EYA1: variants seen among roughly 807,000 people sequenced by gnomAD.
EYA1 encodes the protein EYA transcriptional coactivator and phosphatase 1, also known as protein phosphatase EYA1.
Under a neutral mutation model 82.0 loss-of-function variants are expected in EYA1, and 16 were observed. The ratio of observed to expected loss-of-function variants is 0.20; its 90% CI spans 0.13 to 0.30. The LOEUF is 0.30. Among genes scored for constraint, EYA1 ranks in the 10% least tolerant of loss-of-function variants. The pLI is 1.00. For synonymous variants in EYA1, 261 were observed against 264.4 expected, an observed-to-expected ratio of 0.99 and a Z score of 0.12; for missense variants, 633 against 730.7, an observed-to-expected ratio of 0.87 and a Z score of 1.54.
intron 6 of EYA1, among the ~76,000 whole-genome samples, chr8:71,318,574 T>A (rs1232165492): frequency 2.0e-5 from 3 of 152,150 alleles, no homozygotes; most frequent in Non-Finnish European, 2.9e-5. Context: ...CTTTAATTAA[T>A]TACAATTAAA....
intron 2 of EYA1, among the ~76,000 whole-genome samples, chr8:71,380,075 C>G (rs1188362459): frequency 6.6e-6 from 1 of 152,202 alleles, no homozygotes. Context: ...ACGATGTTGA[C>G]ATCCCTCAGG....
chr8:71,366,934 T>C (rs920153832), upstream of EYA1, among the ~76,000 whole-genome samples: 1 of 152,196 alleles, frequency 6.6e-6, no homozygotes, highest in Non-Finnish European at 1.5e-5. Context: ...TATTGATATA[T>C]AGCAAAATAA....
At chr8:71,513,074 C>T (rs1812715629) in intron 2 of EYA1, among the ~76,000 whole-genome samples, 1 of 152,116 alleles carries the variant, frequency 6.6e-6, no homozygotes, top group East Asian at 1.9e-4. Context: ...ACTCAATGAT[C>T]TTATATTCCT....
intron 11 of EYA1, 133 bp from the exon 12 acceptor site, chr8:71,244,825 G>A (rs1812882872): frequency 3.2e-6 from 2 of 630,292 alleles, no homozygotes; most frequent in African/African-American, 3.7e-5. Flanking sequence ...GGCAACAGCT[G>A]CTTATTTTAG....
At chr8:71,245,317 C>A (rs1180431368) in intron 11 of EYA1, among the ~76,000 whole-genome samples, 2 of 152,166 alleles carry the variant, frequency 1.3e-5, no homozygotes, top group South Asian at 2.1e-4. Context: ...GCCTCCATGT[C>A]CCAGGTTCAA....
chr8:71,368,592 A>C (rs1289026486), intron 2 of EYA1, among the ~76,000 whole-genome samples: 4 of 152,208 alleles, frequency 2.6e-5, no homozygotes, highest in African/African-American at 9.6e-5. Flanking sequence ...TATGACTTAA[A>C]AATTCTAAAG....
intron 11 of EYA1, among the ~76,000 whole-genome samples, chr8:71,248,761 C>G (rs117475094): frequency 1.3e-5 from 2 of 152,218 alleles, no homozygotes; most frequent in South Asian, 4.1e-4. Flanking sequence ...ATAGCTAATA[C>G]GTTAACACTG....
At chr8:71,545,913 C>T (rs1209732219) in intron 1 of EYA1, among the ~76,000 whole-genome samples, 1 of 152,154 alleles carries the variant, frequency 6.6e-6, no homozygotes, top group African/African-American at 2.4e-5. Flanking sequence ...AAGGCCTTCA[C>T]AAATTCCAAA....
intron 2 of EYA1, among the ~76,000 whole-genome samples, chr8:71,513,951 A>T (rs2129257778): frequency 6.6e-6 from 1 of 152,188 alleles, no homozygotes; most frequent in Middle Eastern, 3.4e-3. Context: ...CATTTGCAAC[A>T]TGACAAGATC....
intron 2 of EYA1, among the ~76,000 whole-genome samples, chr8:71,409,713 G>T (rs1295108484): frequency 1.1e-5 from 1 of 93,210 alleles, no homozygotes; most frequent in Non-Finnish European, 2.2e-5. Context: ...AACAGGAGCT[G>T]AAATTGTGGC....
intron 2 of EYA1, among the ~76,000 whole-genome samples, chr8:71,378,822 G>A (rs1828526534): frequency 6.6e-6 from 1 of 152,116 alleles, no homozygotes; most frequent in African/African-American, 2.4e-5. Flanking sequence ...TTGGTTAAGT[G>A]ATGCTAATGT....
intron 2 of EYA1, among the ~76,000 whole-genome samples, chr8:71,449,670 T>C (rs1356175429): frequency 6.6e-6 from 1 of 152,220 alleles, no homozygotes; most frequent in African/African-American, 2.4e-5. Flanking sequence ...TTAAACTCAC[T>C]GGCTGCATCA....
At chr8:71,264,619 C>T (rs537766818) in intron 11 of EYA1, among the ~76,000 whole-genome samples, 31 of 151,812 alleles carry the variant, frequency 2.0e-4, no homozygotes, top group African/African-American at 5.6e-4. Flanking sequence ...ACTCTGTCAC[C>T]CAGGCTGGAA....
At position 71,210,504 on chromosome 8, in the gene EYA1, T is replaced by A. The variant is rs547474514; in HGVS notation, c.1698+652A>T. 4.6e-5 allele frequency among the ~76,000 whole-genome samples: 7 copies of A among 152,212 alleles called. No homozygotes were observed. The South Asian group carries it at 1.5e-3, about 32-fold the overall frequency. On this transcript the variant is annotated intron_variant, in intron 17 of 17. Coordinates refer to ENST00000340726, the MANE Select transcript of EYA1 (RefSeq NM_000503.6). Reference sequence around the variant, plus strand: ...GGCTAAGGAAGGTGGTCCTTGGCTTTTAAAAATGCAATGAGAGGCCCAATG... The same window carrying A: ...GGCTAAGGAAGGTGGTCCTTGGCTTATAAAAATGCAATGAGAGGCCCAATG...
At chr8:71,340,007 T>C (rs756576494) in intron 3 of EYA1, among the ~76,000 whole-genome samples, 2 of 152,230 alleles carry the variant, frequency 1.3e-5, no homozygotes, top group Non-Finnish European at 2.9e-5. Flanking sequence ...GTCTTCTTTC[T>C]AATTTCACAG....
chr8:71,362,413 C>A (rs1180867857), upstream of EYA1, among the ~76,000 whole-genome samples: 4 of 151,976 alleles, frequency 2.6e-5, no homozygotes, highest in Admixed American at 2.0e-4. Flanking sequence ...CAATTAAGAT[C>A]TTTGGGGAGT....
chr8:71,425,104 C>CG (rs1831350388), intron 2 of EYA1, among the ~76,000 whole-genome samples: 1 of 75,292 alleles, frequency 1.3e-5, no homozygotes, highest in Non-Finnish European at 2.3e-5. Context: ...ACTAAAAATA[C>CG]AAAAAAAAAA....
In EYA1 at chr8:71,535,763, C is replaced by G. The variant is rs775075548; in HGVS notation, c.14G>C (p.Arg5Pro). 2.6e-5 allele frequency: 40 copies of G among 1,520,244 alleles called. No individual in the cohort carries two copies. In the Middle Eastern group the frequency reaches 5.0e-4, roughly 19 times the overall value. 94.2% of individuals were successfully genotyped at this position (1,520,244 alleles called of 1,614,324 possible). A position where few individuals can be genotyped will look rare whatever the true frequency, so the allele number is the denominator to read the frequency against. The change falls in exon 2 of 19, where the codon CGG becomes CCG. Residue 5 changes from arginine to proline, a missense_variant. By Grantham distance (103) the Arg-to-Pro change is moderately radical (BLOSUM62 -2). Coordinates refer to the EYA1 transcript ENST00000643681. ...ACTTACAGACTGTCCATTTATCCCC[C>G]GGGGGTCTTCCATTGAAGACTTCTT...
chr8:71,383,456 C>T (rs1395016771), intron 2 of EYA1, among the ~76,000 whole-genome samples: 3 of 152,042 alleles, frequency 2.0e-5, no homozygotes, highest in African/African-American at 7.2e-5. Context: ...TAACAGCTTA[C>T]ATTTCCATTA....
Sources: allele counts gnomAD v4.1 joint callset (sites outside exome capture counted in the v4.1 genomes callset), GRCh38; gene constraint gnomAD v4.1.1; transcripts MANE v1.5; gene names NCBI Gene and HGNC (gene_info 2026-07-23, HGNC 2026-07-21).